PPIF: variants seen among roughly 807,000 people sequenced by gnomAD.
PPIF encodes the protein peptidyl-prolyl cis-trans isomerase F, mitochondrial.
Under a neutral mutation model 20.2 loss-of-function variants are expected in PPIF, and 23 were observed. The ratio of observed to expected loss-of-function variants is 1.14; its 90% CI spans 0.82 to 1.61. The LOEUF (loss-of-function observed/expected upper bound fraction) is 1.61, where lower values mean the gene tolerates loss of function less well. Among genes scored for constraint, PPIF ranks in the 40% most tolerant of loss-of-function variants. PPIF has a pLI of 0.00. For missense variants in PPIF, 287 were observed against 291.6 expected (o/e 0.98, Z 0.11); for synonymous variants, 113 against 123.1 (o/e 0.92, Z 0.54).
chr10:79,354,162 C>G lies in PPIF; in HGVS notation c.*320C>G, dbSNP rs2132154440. The stretch of plus-strand genomic sequence containing the variant: ...CATGGTGATGGTGATGGGTTGCCAT[C>G]CAAGTGAAAGTCTTTTCCTTGACCA... On this transcript the variant is annotated 3_prime_UTR_variant, in exon 6 of 6. Transcript: ENST00000225174. The G allele has an allele frequency of 2.1e-5, 7 of 339,816 alleles. No homozygotes were observed. The South Asian group carries it at 2.9e-4, about 14-fold the overall frequency. The allele number at this position is 339,816 out of a possible 1,614,324, so 21.1% of individuals were successfully genotyped here.
At chr10:79,349,206 C>A in intron 2 of PPIF, 100 bp downstream of exon 2, 1 of 1,606,030 alleles carries the variant, frequency 6.2e-7, no homozygotes, top group South Asian at 1.1e-5. Flanking sequence ...GCTCAGAGAC[C>A]CCTGACAGAT....
Position 79,351,389 on chromosome 10 carries a change from C to CTGGGTGGGCT in PPIF, c.316-87_316-78dup. ...GACCCCTTTACCTGAGGGGCGCCAACTGGGTGGGCTTGGGTGGGCTGAGGC... is the reference window on the plus strand; with the variant it reads ...GACCCCTTTACCTGAGGGGCGCCAACTGGGTGGGCTTGGGTGGGCTTGGGTGGGCTGAGGC... On this transcript the variant is annotated intron_variant, in intron 3 of 5. Coordinates refer to ENST00000225174, the MANE Select transcript of PPIF (RefSeq NM_005729.4). 3.8e-6 allele frequency: 4 copies of CTGGGTGGGCT among 1,047,770 alleles called. No individual in the cohort carries two copies. The South Asian group carries it at 5.9e-5, about 16-fold the overall frequency. The allele number at this position is 1,047,770 out of a possible 1,614,324, so 64.9% of individuals were successfully genotyped here.
chr10:79,348,579 A>T (rs1250588418), intron 1 of PPIF, among the ~76,000 whole-genome samples: 2 of 151,964 alleles, frequency 1.3e-5, no homozygotes, highest in African/African-American at 4.8e-5. Context: ...GAAAATAGGG[A>T]CACCCTTCCT....
intron 5 of PPIF, 99 bp from the exon 6 acceptor site, chr10:79,353,608 C>A: frequency 1.3e-6 from 2 of 1,593,112 alleles, no homozygotes; most frequent in East Asian, 2.2e-5. Flanking sequence ...GGATTCTTTT[C>A]AGAATTGCTG....
chr10:79,353,624 G>A (rs773447123), intron 5 of PPIF, 83 bp from the exon 6 acceptor site: 29 of 1,606,880 alleles, frequency 1.8e-5, no homozygotes, highest in African/African-American at 4.0e-5. Context: ...TGCTGTTTTC[G>A]GTAACTAATT....
At chr10:79,352,517 C>T in intron 5 of PPIF, 125 bp downstream of exon 5, 1 of 943,560 alleles carries the variant, frequency 1.1e-6, no homozygotes. Flanking sequence ...GGCCCTCTCC[C>T]AGGCTGTGTG....
rs936487656 is a variant in PPIF, at chr10:79,349,968, C to T, written c.315+215C>T. 46 of 1,040,204 alleles carry T rather than the reference C, an allele frequency of 4.4e-5. No homozygotes were observed. In the Admixed American group the frequency reaches 1.0e-3, roughly 23 times the overall value. 64.4% of individuals were successfully genotyped at this position (1,040,204 alleles called of 1,614,324 possible). A position where few individuals can be genotyped will look rare whatever the true frequency, so the allele number is the denominator to read the frequency against. The stretch of plus-strand genomic sequence containing the variant: ...CACTCCAGGTCAGTGGCAGGCCCTG[C>T]CCGGGGGACTGGGAGGTGGAGTCTA... On this transcript the variant is annotated intron_variant, in intron 3 of 5. Transcript: ENST00000225174.
intron 3 of PPIF, among the ~76,000 whole-genome samples, chr10:79,350,847 AG>A (rs1467804012): frequency 6.6e-6 from 1 of 152,220 alleles, no homozygotes; most frequent in African/African-American, 2.4e-5. Context: ...GGAAAACAGC[AG>A]CCAGCCATGG....
At chr10:79,351,410 G>A (rs951265274) in intron 3 of PPIF, 77 bp from the exon 4 acceptor site, 2 of 1,447,372 alleles carry the variant, frequency 1.4e-6, no homozygotes, top group African/African-American at 2.8e-5. Context: ...TGGGTGGGCT[G>A]AGGCTGCTGC....
intron 1 of PPIF, among the ~76,000 whole-genome samples, 179 bp downstream of exon 1, chr10:79,347,922 C>T (rs1477601910): frequency 6.6e-6 from 1 of 152,148 alleles, no homozygotes; most frequent in Non-Finnish European, 1.5e-5. Flanking sequence ...CGGCCTCCCT[C>T]GGAGCACTGG....
At chr10:79,353,548 G>T in intron 5 of PPIF, 159 bp from the exon 6 acceptor site, 18 of 1,310,222 alleles carry the variant, frequency 1.4e-5, no homozygotes, top group East Asian at 2.4e-5. Flanking sequence ...TATTTGGGGC[G>T]CTCAACAAGG....
chr10:79,352,110 T>A (rs1466202753), intron 4 of PPIF, among the ~76,000 whole-genome samples: 2 of 152,022 alleles, frequency 1.3e-5, no homozygotes, highest in Non-Finnish European at 1.5e-5. Context: ...GGCCCTGTCC[T>A]CTCAGGCCAC....
At chr10:79,348,900 T>C (rs548111475) in intron 1 of PPIF, among the ~76,000 whole-genome samples, 176 bp from the exon 2 acceptor site, 1 of 152,280 alleles carries the variant, frequency 6.6e-6, no homozygotes, top group East Asian at 1.9e-4. Flanking sequence ...AGGAAACGGC[T>C]CCCAGAAATG....
At position 79,349,045 on chromosome 10, in the gene PPIF, ATCC is replaced by A. The variant is rs758710285; in HGVS notation, c.196-28_196-26del. 9.9e-6 allele frequency: 16 copies of A among 1,613,660 alleles called. No individual in the cohort carries two copies. In the African/African-American group the frequency reaches 1.9e-4, roughly 19 times the overall value. ...ACCTTCACCTGCCTCTCCAATGACC[ATCC>A]TCTTTTGTCCTTCTTCTCCCCCAAC... On this transcript the variant is annotated intron_variant, in intron 1 of 5. Coordinates refer to ENST00000225174, the MANE Select transcript of PPIF (RefSeq NM_005729.4).
At chr10:79,349,998 G>C (rs1855959947) in intron 3 of PPIF, 1 of 771,922 alleles carries the variant, frequency 1.3e-6, no homozygotes, top group Non-Finnish European at 1.9e-6. Context: ...AGTCTATCAA[G>C]AGAGAGCTGG....
intron 2 of PPIF, among the ~76,000 whole-genome samples, 174 bp from the exon 3 acceptor site, chr10:79,349,491 G>A (rs996262279): frequency 3.3e-5 from 5 of 152,254 alleles, no homozygotes; most frequent in African/African-American, 1.2e-4. Context: ...GACAGGGAAG[G>A]GGAGTGACTT....
rs1855914280 is a variant in PPIF at position 79,347,545 on chromosome 10, C to CGCGATGCTGGCGCT, written c.1_14dup. On this transcript the variant is annotated 5_prime_UTR_variant, in exon 1 of 6. It adds an upstream start codon to the 5' untranslated region. Transcript: ENST00000225174. ...GCCCGTGTCCCGCCCGACCCGCGCC[C>CGCGATGCTGGCGCT]GCGATGCTGGCGCTGCGCTGCGGCT... 5.4e-6 allele frequency: 7 copies of CGCGATGCTGGCGCT among 1,302,186 alleles called. No homozygotes were observed. The highest frequency in any genetic ancestry group is 5.8e-6 in the Non-Finnish European group (6 of 1,030,388). The allele number at this position is 1,302,186 out of a possible 1,614,324, so 80.7% of individuals were successfully genotyped here. A position where few individuals can be genotyped will look rare whatever the true frequency, so the allele number is the denominator to read the frequency against.
intron 5 of PPIF, among the ~76,000 whole-genome samples, chr10:79,353,371 T>G (rs532398602): frequency 1.3e-5 from 2 of 152,318 alleles, no homozygotes; most frequent in African/African-American, 4.8e-5. Flanking sequence ...TTGTATGGAC[T>G]TCTTCTTTCT....
In PPIF at chr10:79,347,469, A is replaced by C; in HGVS notation, c.-80A>C. On this transcript the variant is annotated 5_prime_UTR_variant, in exon 1 of 6. Coordinates refer to ENST00000225174, the MANE Select transcript of PPIF (RefSeq NM_005729.4). ...AGGCTGCGGCGCGCGGCTGCGCGGG[A>C]CTCGGCCTTCTGGGCGCGCGCGACG... 8.0e-7 allele frequency: 1 copy of C among 1,248,090 alleles called. No individual in the cohort carries two copies. Among genetic ancestry groups the C allele is most frequent in the Non-Finnish European group, 1.0e-6 (1 of 996,704 alleles). The allele number at this position is 1,248,090 out of a possible 1,614,324, so 77.3% of individuals were successfully genotyped here.
Sources: allele counts gnomAD v4.1 joint callset (sites outside exome capture counted in the v4.1 genomes callset), GRCh38; gene constraint gnomAD v4.1.1; transcripts MANE v1.5; gene names NCBI Gene and HGNC (gene_info 2026-07-23, HGNC 2026-07-21).